Variants in PTK2B observed in about 807,000 individuals in gnomAD.
PTK2B encodes protein-tyrosine kinase 2-beta.
In PTK2B, 71 loss-of-function variants were observed where a neutral mutation model predicts 142.9. The ratio of observed to expected loss-of-function variants is 0.50; its 90% confidence interval spans 0.41 to 0.61. The LOEUF is 0.61. PTK2B is among the 20% of genes least tolerant of loss of function. The probability of loss-of-function intolerance (pLI) is 0.00; values close to 1 mark genes in which losing one functional copy is unlikely to be tolerated. For missense variants in PTK2B, 1,105 were observed against 1,320.4 expected (o/e 0.84, Z 2.53); for synonymous variants, 519 against 503.4 (o/e 1.03, Z -0.42).
chr8:27,326,653 C>T (rs531291483), intron 1 of PTK2B, among the ~76,000 whole-genome samples: 2 of 152,284 alleles, frequency 1.3e-5, no homozygotes, highest in East Asian at 1.9e-4. Flanking sequence ...GGCCCCTCTA[C>T]GTGGGATGCT....
At position 27,382,808 on chromosome 8, in the gene PTK2B, C is replaced by G. The variant is rs565216482; in HGVS notation, c.-37-14740C>G. Among the ~76,000 whole-genome samples the G allele has an allele frequency of 6.6e-5, 10 of 152,284 alleles. No individual in the cohort carries two copies. In the East Asian group the frequency reaches 1.9e-3, roughly 29 times the overall value. Reference sequence around the variant, plus strand: ...TTTTCAGCACCATTTATTGAAAACACTGTCTTTTTCCCAATGTATGTTCTT... The same window carrying G: ...TTTTCAGCACCATTTATTGAAAACAGTGTCTTTTTCCCAATGTATGTTCTT... On this transcript the variant is annotated intron_variant, in intron 1 of 30. Coordinates refer to ENST00000346049, the MANE Select transcript of PTK2B (RefSeq NM_173176.3).
intron 26 of PTK2B, 71 bp downstream of exon 26, chr8:27,451,149 C>T (rs954131759): frequency 5.1e-5 from 78 of 1,535,704 alleles, no homozygotes; most frequent in Middle Eastern, 1.7e-4. Flanking sequence ...TAGGACCCCC[C>T]GCCCAACTTG....
intron 1 of PTK2B, among the ~76,000 whole-genome samples, chr8:27,347,468 T>C (rs1804784531): frequency 6.6e-6 from 1 of 152,180 alleles, no homozygotes; most frequent in Non-Finnish European, 1.5e-5. Flanking sequence ...AGATTTATTT[T>C]CTCCCGGTAC....
In PTK2B at chr8:27,403,837, T is replaced by TTCTTCTC. The variant is rs572836709; in HGVS notation, c.204+6056_204+6062dup. On this transcript the variant is annotated intron_variant, in intron 2 of 30. Coordinates refer to ENST00000346049, the MANE Select transcript of PTK2B (RefSeq NM_173176.3). ...TTCTGTCTTCTTTCTTTTTTCTTCTTTCTTCTCTCTTCTTTCTTTTTTCTT... is the reference window on the plus strand; with the variant it reads ...TTCTGTCTTCTTTCTTTTTTCTTCTTTCTTCTCTCTTCTCTCTTCTTTCTTTTTTCTT... Among the ~76,000 whole-genome samples the TTCTTCTC allele has an allele frequency of 9.7e-4, 147 of 152,106 alleles. 1 individual carries two copies. The highest frequency in any genetic ancestry group is 3.1e-3 in the African/African-American group (130 of 41,506).
chr8:27,414,118 T>G (rs1288898085), intron 2 of PTK2B, among the ~76,000 whole-genome samples: 1 of 152,206 alleles, frequency 6.6e-6, no homozygotes, highest in Non-Finnish European at 1.5e-5. Flanking sequence ...TCCAGGCACA[T>G]CTTGTACTTT....
chr8:27,332,599 C>T (rs531996978), intron 1 of PTK2B, among the ~76,000 whole-genome samples: 8 of 151,780 alleles, frequency 5.3e-5, no homozygotes, highest in East Asian at 1.9e-4. Context: ...TATCTCATTT[C>T]GAGACAGAAT....
chr8:27,315,051 A>T (rs964273595), intron 3 of PTK2B, among the ~76,000 whole-genome samples: 1 of 152,234 alleles, frequency 6.6e-6, no homozygotes, highest in South Asian at 2.1e-4. Flanking sequence ...TTAGCTTGCA[A>T]GTAGGGTAAA....
intron 3 of PTK2B, among the ~76,000 whole-genome samples, chr8:27,319,806 C>T (rs953739410): frequency 6.6e-6 from 1 of 152,082 alleles, no homozygotes; most frequent in Non-Finnish European, 1.5e-5. Flanking sequence ...GAGGTTCTGC[C>T]TTAACTTATA....
chr8:27,443,051 TC>T, intron 22 of PTK2B, 68 bp downstream of exon 22: 2 of 1,107,704 alleles, frequency 1.8e-6, no homozygotes, highest in South Asian at 1.3e-5. Flanking sequence ...CTGATCCATG[TC>T]CCCCTTACTG....
intron 2 of PTK2B, among the ~76,000 whole-genome samples, chr8:27,409,174 T>C (rs1808904444): frequency 6.6e-6 from 1 of 152,224 alleles, no homozygotes; most frequent in South Asian, 2.1e-4. Flanking sequence ...TATAAAGTCC[T>C]GCGCTAAGGC....
chr8:27,364,483 T>G (rs1433037073), intron 1 of PTK2B, among the ~76,000 whole-genome samples: 1 of 152,182 alleles, frequency 6.6e-6, no homozygotes, highest in East Asian at 1.9e-4. Context: ...AAGAAAAGCT[T>G]CCTGACGGAG....
intron 3 of PTK2B, among the ~76,000 whole-genome samples, chr8:27,318,621 C>T (rs1409409277): frequency 6.6e-6 from 1 of 152,122 alleles, no homozygotes; most frequent in African/African-American, 2.4e-5. Flanking sequence ...ACCATGTGTC[C>T]TCTGTGGCAT....
upstream of PTK2B, among the ~76,000 whole-genome samples, chr8:27,322,118 G>A (rs984533851): frequency 6.6e-6 from 1 of 151,982 alleles, no homozygotes; most frequent in Non-Finnish European, 1.5e-5. Flanking sequence ...GCCCCACCAA[G>A]GAGCTGGGAC....
At chr8:27,430,564 AG>A in intron 7 of PTK2B, 146 bp downstream of exon 7, 1 of 1,119,434 alleles carries the variant, frequency 8.9e-7, no homozygotes, top group Non-Finnish European at 1.3e-6. Flanking sequence ...AAATGTACCC[AG>A]GGGTCCTCTC....
chr8:27,326,520 A>G (rs1027797426), intron 1 of PTK2B, among the ~76,000 whole-genome samples: 3 of 152,202 alleles, frequency 2.0e-5, no homozygotes, highest in African/African-American at 7.2e-5. Context: ...CAGCAGAAGG[A>G]CAAGAGCAGA....
chr8:27,317,797 C>T (rs1803126063), intron 3 of PTK2B, among the ~76,000 whole-genome samples: 1 of 152,142 alleles, frequency 6.6e-6, no homozygotes, highest in African/African-American at 2.4e-5. Flanking sequence ...CTTTCGACCT[C>T]TTGTTTAGAT....
intron 2 of PTK2B, among the ~76,000 whole-genome samples, chr8:27,416,480 A>G (rs1027433417): frequency 6.6e-6 from 1 of 152,184 alleles, no homozygotes; most frequent in Non-Finnish European, 1.5e-5. Context: ...TGAATACCAT[A>G]TACAAAAATT....
At chr8:27,332,742 C>T (rs568705782) in intron 1 of PTK2B, among the ~76,000 whole-genome samples, 3 of 152,258 alleles carry the variant, frequency 2.0e-5, no homozygotes, top group African/African-American at 4.8e-5. Context: ...CCACCACACC[C>T]GGCTAATTTT....
intron 1 of PTK2B, among the ~76,000 whole-genome samples, chr8:27,365,094 C>T (rs1805940408): frequency 1.3e-5 from 2 of 152,224 alleles, no homozygotes; most frequent in African/African-American, 4.8e-5. Flanking sequence ...CCTATCCAGC[C>T]TGGAAGGTCC....
Sources: gnomAD v4.1 joint callset for allele counts (sites outside exome capture counted in the v4.1 genomes callset) on GRCh38, gnomAD v4.1.1 for gene constraint, MANE v1.5 for transcripts, NCBI Gene and HGNC (gene_info 2026-07-23, HGNC 2026-07-21) for gene names.